The following ADIPOR2 variants were observed in gnomAD, a reference collection of about 807,000 sequenced individuals.
ADIPOR2 encodes the protein adiponectin receptor 2.
Under a neutral mutation model 40.9 loss-of-function variants are expected in ADIPOR2, and 18 were observed. The observed-to-expected ratio is 0.44, with a 90% confidence interval of 0.30 to 0.65. The LOEUF is 0.65. ADIPOR2 is among the 30% of genes least tolerant of loss of function. ADIPOR2 has a pLI of 0.09. For synonymous variants in ADIPOR2, 165 were observed against 166.4 expected (o/e 0.99, Z 0.06); for missense variants, 283 against 479.2 (o/e 0.59, Z 3.82).
At chr12:1,736,139 C>G (rs1367035232) in intron 1 of ADIPOR2, among the ~76,000 whole-genome samples, 1 of 152,110 alleles carries the variant, frequency 6.6e-6, no homozygotes, top group African/African-American at 2.4e-5. Flanking sequence ...CCCTCTTTTT[C>G]TATTGATTGG....
At chr12:1,728,958 GT>G (rs66842156) in intron 1 of ADIPOR2, among the ~76,000 whole-genome samples, 23,273 of 109,844 alleles carry the variant, frequency 0.21, 2,043 homozygotes, top group African/African-American at 0.3. Context: ...GTTCTGGACT[GT>G]TTTTTTTTTT....
At chr12:1,701,133 T>TTG (rs1454153606) in intron 1 of ADIPOR2, among the ~76,000 whole-genome samples, 1 of 150,434 alleles carries the variant, frequency 6.6e-6, no homozygotes, top group Non-Finnish European at 1.5e-5. Flanking sequence ...TGATCTTTTT[T>TTG]TTTTTTTTTT....
chr12:1,728,613 A>G (rs992788526), intron 1 of ADIPOR2, among the ~76,000 whole-genome samples: 6 of 151,376 alleles, frequency 4.0e-5, no homozygotes, highest in Non-Finnish European at 7.4e-5. Context: ...AATCCCAGCT[A>G]CTCCGGAGGC....
At chr12:1,768,831 G>C (rs542168913) in intron 2 of ADIPOR2, among the ~76,000 whole-genome samples, 5 of 152,144 alleles carry the variant, frequency 3.3e-5, no homozygotes, top group Non-Finnish European at 7.4e-5. Flanking sequence ...ATGGCGGGAG[G>C]GGGGAGATAT....
intron 3 of ADIPOR2, among the ~76,000 whole-genome samples, chr12:1,773,719 ACT>A (rs1315896177): frequency 6.6e-6 from 1 of 151,380 alleles, no homozygotes; most frequent in Admixed American, 6.6e-5. Flanking sequence ...TTTCTGGAGA[ACT>A]CTTTATTATT....
intron 1 of ADIPOR2, among the ~76,000 whole-genome samples, chr12:1,733,422 CG>C (rs1203453441): frequency 6.6e-6 from 1 of 151,990 alleles, no homozygotes; most frequent in East Asian, 1.9e-4. Flanking sequence ...TGGATATAAC[CG>C]TGAGAGCAGT....
intron 1 of ADIPOR2, among the ~76,000 whole-genome samples, chr12:1,693,318 A>G (rs1203739810): frequency 6.6e-6 from 1 of 151,758 alleles, no homozygotes; most frequent in East Asian, 1.9e-4. Flanking sequence ...GTGGACCTTA[A>G]TATAAAAAGT....
At chr12:1,756,219 C>T (rs986447461) in intron 2 of ADIPOR2, among the ~76,000 whole-genome samples, 5 of 151,972 alleles carry the variant, frequency 3.3e-5, no homozygotes, top group Admixed American at 1.3e-4. Context: ...GGCACCATCT[C>T]GGCTCACTGC....
intron 1 of ADIPOR2, among the ~76,000 whole-genome samples, chr12:1,731,706 T>A (rs914270119): frequency 5.9e-5 from 9 of 152,214 alleles, no homozygotes; most frequent in Non-Finnish European, 1.0e-4. Flanking sequence ...ATCCCTGTAA[T>A]CCCAGCCCTT....
intron 2 of ADIPOR2, among the ~76,000 whole-genome samples, chr12:1,760,035 AAAAC>A (rs1432364779): frequency 1.3e-5 from 2 of 151,838 alleles, no homozygotes; most frequent in African/African-American, 2.4e-5. Flanking sequence ...CGGGGAAAAC[AAAAC>A]AAACAAAACA....
chr12:1,769,840 C>T (rs75209874), intron 2 of ADIPOR2, among the ~76,000 whole-genome samples: 6,847 of 151,968 alleles, frequency 0.045, 260 homozygotes, highest in East Asian at 0.19. Context: ...CTGTGCCTGG[C>T]CGGAAATAAT....
chr12:1,748,545 G>A (rs931598502), intron 1 of ADIPOR2, among the ~76,000 whole-genome samples: 3 of 152,094 alleles, frequency 2.0e-5, no homozygotes, highest in East Asian at 1.9e-4. Flanking sequence ...ACCGTGCCTG[G>A]CCTGCGTTTT....
chr12:1,711,905 C>T (rs2094678108), intron 1 of ADIPOR2, among the ~76,000 whole-genome samples: 2 of 152,272 alleles, frequency 1.3e-5, no homozygotes, highest in Non-Finnish European at 1.5e-5. Context: ...AACTCCCTTT[C>T]TTTCCATATT....
At chr12:1,753,496 G>C (rs1449969550) in intron 1 of ADIPOR2, among the ~76,000 whole-genome samples, 1 of 152,218 alleles carries the variant, frequency 6.6e-6, no homozygotes, top group East Asian at 1.9e-4. Context: ...AACCCAGATG[G>C]ATGTAAAACG....
In ADIPOR2 at chr12:1,748,280, T is replaced by G. The variant is rs138289316; in HGVS notation, c.-86-5978T>G. On this transcript the variant is annotated intron_variant, in intron 1 of 7. Transcript: ENST00000357103. ...ATTCTTTTTTTAGAGACGGAGTCTC[T>G]CTCTGTCGCCCAGGCTGGAGTGCAG... 6.9e-3 allele frequency among the ~76,000 whole-genome samples: 1,056 copies of G among 152,216 alleles called. 5 individuals are homozygous for G. Among genetic ancestry groups the G allele is most frequent in the African/African-American group, 0.011 (467 of 41,530 alleles).
chr12:1,746,299 C>T (rs901351094), intron 1 of ADIPOR2, among the ~76,000 whole-genome samples: 1 of 152,020 alleles, frequency 6.6e-6, no homozygotes, highest in Non-Finnish European at 1.5e-5. Context: ...GTGTGTGGAT[C>T]ACTTGAGGTA....
At chr12:1,710,480 C>T (rs556734789) in intron 1 of ADIPOR2, among the ~76,000 whole-genome samples, 26 of 152,132 alleles carry the variant, frequency 1.7e-4, no homozygotes, top group African/African-American at 6.0e-4. Context: ...GCTATTCTGT[C>T]CTATTTTTCC....
chr12:1,772,737 GT>G, intron 2 of ADIPOR2, 104 bp from the exon 3 acceptor site: 1 of 1,403,046 alleles, frequency 7.1e-7, no homozygotes. Flanking sequence ...CTAAGGCCTT[GT>G]TTTGACCTTA....
chr12:1,692,307 C>T (rs1424477474), intron 1 of ADIPOR2, among the ~76,000 whole-genome samples: 2 of 152,068 alleles, frequency 1.3e-5, no homozygotes, highest in African/African-American at 4.8e-5. Context: ...TTATCAAAGG[C>T]CACCCTTATG....
Sources: gnomAD v4.1 joint callset for allele counts (sites outside exome capture counted in the v4.1 genomes callset) on GRCh38, gnomAD v4.1.1 for gene constraint, MANE v1.5 for transcripts, NCBI Gene and HGNC (gene_info 2026-07-23, HGNC 2026-07-21) for gene names.